The following NLN variants were observed in gnomAD, a reference collection of about 807,000 sequenced individuals.
NLN encodes the protein neurolysin, also known as neurolysin, mitochondrial.
NLN carries 64 observed loss-of-function variants against 79.9 expected under a neutral mutation model. That is an observed-to-expected ratio of 0.80 (90% CI 0.65 to 0.99). The LOEUF is 0.99. Ranked by LOEUF, NLN falls within the 50% of genes least tolerant of loss-of-function variation. The pLI, the probability that NLN is intolerant of heterozygous loss-of-function variation, is 0.00. For synonymous variants in NLN, 267 were observed against 296.6 expected (o/e 0.90, Z 1.02); for missense variants, 835 against 858.7 (o/e 0.97, Z 0.34).
chr5:65,732,759 G>C (rs1353864281), intron 1 of NLN, among the ~76,000 whole-genome samples: 1 of 143,284 alleles, frequency 7.0e-6, no homozygotes, highest in Non-Finnish European at 1.6e-5. Flanking sequence ...CAGAGATGAG[G>C]TTGTCTGCTG....
At chr5:65,753,096 A>G (rs1268129443) in intron 1 of NLN, among the ~76,000 whole-genome samples, 1 of 152,210 alleles carries the variant, frequency 6.6e-6, no homozygotes, top group East Asian at 1.9e-4. Flanking sequence ...CTTTCCCACT[A>G]CAAATAAATG....
rs777107764 is a variant in NLN, at chr5:65,812,250, T to C, written c.1844-5T>C. On this transcript the variant is annotated splice_polypyrimidine_tract_variant and splice_region_variant and intron_variant, in intron 11 of 12. Transcript: ENST00000380985. ...ACATTGATTGAAATGTATCTTTTTT[T>C]AAAGGCACAAATATGCCAGCTACCT... 1 of 1,613,018 alleles carries C rather than the reference T, an allele frequency of 6.2e-7. No individual in the cohort carries two copies. The highest frequency in any genetic ancestry group is 8.5e-7 in the Non-Finnish European group (1 of 1,179,100).
intron 5 of NLN, 51 bp downstream of exon 5, chr5:65,780,332 G>T (rs1458191886): frequency 1.5e-6 from 1 of 680,728 alleles, no homozygotes; most frequent in Non-Finnish European, 2.5e-6. Context: ...GGCAAATAGT[G>T]TTACCTCACA....
intron 1 of NLN, among the ~76,000 whole-genome samples, chr5:65,748,331 G>A (rs754908695): frequency 1.3e-5 from 2 of 152,218 alleles, no homozygotes; most frequent in Non-Finnish European, 2.9e-5. Context: ...AGAATCATGG[G>A]AGTAGATAAA....
intron 12 of NLN, among the ~76,000 whole-genome samples, chr5:65,821,934 T>A (rs1020576030): frequency 6.6e-6 from 1 of 152,240 alleles, no homozygotes; most frequent in Non-Finnish European, 1.5e-5. Context: ...TCTCTAGCTC[T>A]TCTTGTACTA....
rs149041117 is a variant in NLN at position 65,747,648 on chromosome 5, C to T, written c.42-10919C>T. Among the ~76,000 whole-genome samples, 200 of 152,294 alleles carry T rather than the reference C, an allele frequency of 1.3e-3. 4 individuals carry two copies. The East Asian group carries it at 0.035, about 26-fold the overall frequency. ...GGATGCCCCCACCTATATGTCCAAA[C>T]TCTGACCACACTCCCTGCTCTTAAT... On this transcript the variant is annotated intron_variant, in intron 1 of 12. Coordinates refer to ENST00000380985, the MANE Select transcript of NLN (RefSeq NM_020726.5).
chr5:65,805,735 A>G (rs1488609640), intron 9 of NLN, among the ~76,000 whole-genome samples: 1 of 152,252 alleles, frequency 6.6e-6, no homozygotes, highest in African/African-American at 2.4e-5. Context: ...AGTTAAGATC[A>G]TTGATGAATG....
chr5:65,744,137 C>G (rs2150739214), intron 1 of NLN, among the ~76,000 whole-genome samples: 1 of 142,554 alleles, frequency 7.0e-6, no homozygotes, highest in Non-Finnish European at 1.6e-5. Flanking sequence ...CTCACTGTAG[C>G]CTGACCTCCT....
At chr5:65,788,836 G>T (rs1275987191) in intron 8 of NLN, among the ~76,000 whole-genome samples, 3 of 152,132 alleles carry the variant, frequency 2.0e-5, no homozygotes, top group Non-Finnish European at 2.9e-5. Context: ...GCCAGGTGTA[G>T]TGGTACATGC....
chr5:65,812,312 A>T lies in NLN; in HGVS notation c.1901A>T (p.Tyr634Phe). ...HLAGGYDGQY[Y>F]GYLWSEVFSM... ...GCAGGGGGATACGATGGCCAATATT[A>T]TGGATATCTTTGGAGTGAAGTATTT... Residue 634 changes from tyrosine to phenylalanine, a missense_variant, in exon 12 of 13, where the codon TAT becomes TTT. By Grantham distance (22) the Tyr-to-Phe change is conservative (BLOSUM62 3). Transcript: ENST00000380985. 6.2e-7 allele frequency: 1 copy of T among 1,605,664 alleles called. No individual in the cohort carries two copies. The highest frequency in any genetic ancestry group is 8.5e-7 in the Non-Finnish European group (1 of 1,172,352).
At chr5:65,774,577 C>T (rs1418510532) in intron 3 of NLN, among the ~76,000 whole-genome samples, 3 of 152,004 alleles carry the variant, frequency 2.0e-5, no homozygotes, top group Non-Finnish European at 4.4e-5. Flanking sequence ...CTTACTCCTA[C>T]CAAAGAACTC....
At chr5:65,774,731 T>A (rs61126294) in intron 3 of NLN, among the ~76,000 whole-genome samples, 63,766 of 125,420 alleles carry the variant, frequency 0.51, 14,748 homozygotes, top group East Asian at 0.67. Context: ...ATATATATAT[T>A]TTTTTTTTTT....
intron 1 of NLN, among the ~76,000 whole-genome samples, chr5:65,728,763 G>C (rs1355996531): frequency 6.6e-6 from 1 of 152,138 alleles, no homozygotes; most frequent in Non-Finnish European, 1.5e-5. Context: ...AAACCAAAAA[G>C]TTATTTGTTG....
intron 1 of NLN, among the ~76,000 whole-genome samples, chr5:65,743,870 C>G (rs1315536210): frequency 3.3e-5 from 5 of 152,118 alleles, no homozygotes; most frequent in Non-Finnish European, 7.3e-5. Flanking sequence ...ACCTCTTATC[C>G]CTCCACATCC....
intron 1 of NLN, among the ~76,000 whole-genome samples, chr5:65,737,498 A>G (rs913234628): frequency 2.6e-5 from 4 of 152,158 alleles, no homozygotes; most frequent in Admixed American, 6.5e-5. Flanking sequence ...CTGTACCTCC[A>G]CTACTTAACA....
At position 65,810,201 on chromosome 5, in the gene NLN, TGA is replaced by T. The variant is rs746562266; in HGVS notation, c.1843+37_1843+38del. The T allele has an allele frequency of 2.9e-5, 47 of 1,599,242 alleles. No homozygotes were observed. In the African/African-American group the frequency reaches 3.1e-4, roughly 10 times the overall value. On this transcript the variant is annotated intron_variant, in intron 11 of 12. Transcript: ENST00000380985. ...ACTATGAATTGAGTTCATTTCTCTG[TGA>T]AGCACAGGGCGTTCTCCTAACACTG...
chr5:65,757,339 G>A (rs1041452580), intron 1 of NLN, among the ~76,000 whole-genome samples: 2 of 152,152 alleles, frequency 1.3e-5, no homozygotes, highest in Non-Finnish European at 2.9e-5. Context: ...ATGGGTTCTG[G>A]ATCCATACTG....
chr5:65,758,663 T>G lies in NLN; in HGVS notation c.138T>G (p.Asn46Lys). 1 of 1,613,752 alleles carries G rather than the reference T, an allele frequency of 6.2e-7. No homozygotes were observed. The highest frequency in any genetic ancestry group is 8.5e-7 in the Non-Finnish European group (1 of 1,179,796). ...CTTCCTATACTGTGGCTGGCAGAAA[T>G]GTTTTAAGATGGGATCTTTCACCAG... ...AMSSYTVAGRNVLRWDLSPEQ... is the reference protein window; with the variant it reads ...AMSSYTVAGRKVLRWDLSPEQ... Residue 46 changes from asparagine (N) to lysine (K), a missense_variant, in exon 2 of 13, where the codon AAT becomes AAG. By Grantham distance (94) the Asn-to-Lys change is moderately conservative. Transcript: ENST00000380985.
intron 3 of NLN, among the ~76,000 whole-genome samples, chr5:65,767,884 G>C (rs775978960): frequency 6.6e-6 from 1 of 152,174 alleles, no homozygotes; most frequent in Non-Finnish European, 1.5e-5. Context: ...TCTAGGGCAG[G>C]TGCAAAGTGC....
Sources: gnomAD v4.1 joint callset for allele counts (sites outside exome capture counted in the v4.1 genomes callset) on GRCh38, gnomAD v4.1.1 for gene constraint, MANE v1.5 for transcripts, NCBI Gene and HGNC (gene_info 2026-07-23, HGNC 2026-07-21) for gene names.